The following DNAJC5B variants were observed in gnomAD, a reference collection of about 807,000 sequenced individuals.
DNAJC5B encodes the protein dnaJ homolog subfamily C member 5B.
A neutral mutation model predicts 24.7 loss-of-function variants in DNAJC5B; 23 were observed. The observed-to-expected ratio is 0.93, with a 90% CI of 0.67 to 1.32. The LOEUF (loss-of-function observed/expected upper bound fraction) is 1.32. Ranked by LOEUF, DNAJC5B falls within the 40% of genes most tolerant of loss-of-function variation. The probability of loss-of-function intolerance (pLI) is 0.00; values close to 1 mark genes in which losing one functional copy is unlikely to be tolerated. For synonymous variants in DNAJC5B, 101 were observed against 90.1 expected (o/e 1.12, Z -0.68); for missense variants, 238 against 240.8 (o/e 0.99, Z 0.08).
chr8:66,043,554 C>G lies in DNAJC5B; in HGVS notation c.-75C>G, dbSNP rs1207961574. 6.6e-6 allele frequency: 1 copy of G among 152,178 alleles called. No homozygotes were observed. Among genetic ancestry groups the G allele is most frequent in the Non-Finnish European group, 1.5e-5 (1 of 68,046 alleles). The allele number at this position is 152,178 out of a possible 1,614,324, so 9.4% of individuals were successfully genotyped here. ...ACCTGACTCTATTGACCTGCTTAAC[C>G]CTGCATGGGGGGGAAGGATGGAAAG... On this transcript the variant is annotated 5_prime_UTR_variant, in exon 2 of 6. Coordinates refer to ENST00000276570, the MANE Select transcript of DNAJC5B (RefSeq NM_033105.6).
intron 3 of DNAJC5B, among the ~76,000 whole-genome samples, chr8:66,062,241 C>T (rs72650560): frequency 6.6e-6 from 1 of 152,326 alleles, no homozygotes; most frequent in Non-Finnish European, 1.5e-5. Flanking sequence ...TCTTCAGGAC[C>T]ATTTCTCAAA....
At chr8:66,031,040 C>A (rs1477884589) in intron 1 of DNAJC5B, among the ~76,000 whole-genome samples, 1 of 152,222 alleles carries the variant, frequency 6.6e-6, no homozygotes, top group Non-Finnish European at 1.5e-5. Context: ...CTATAAGTTG[C>A]AGAAGCAATC....
intron 3 of DNAJC5B, among the ~76,000 whole-genome samples, chr8:66,066,024 G>C (rs903220381): frequency 6.6e-6 from 1 of 152,188 alleles, no homozygotes; most frequent in Admixed American, 6.5e-5. Context: ...CTGGCTCTAC[G>C]TGGCTGGAAA....
In DNAJC5B at chr8:66,076,858, G is replaced by A. The variant is rs1049025204; in HGVS notation, c.318G>A (p.Ser106=). 7.4e-6 allele frequency: 12 copies of A among 1,614,080 alleles called. No individual in the cohort carries two copies. Among genetic ancestry groups the A allele is most frequent in the Non-Finnish European group, 9.3e-6 (11 of 1,179,974 alleles). ...DENVNTYFML[S]SWWAKALFVI... ...ACGTTAACACCTACTTCATGCTGTC[G>A]AGCTGGTGGGCAAAGGTGAAACTGA... The change falls in exon 4 of 6, where the codon TCG becomes TCA. Residue 106 remains serine, a synonymous_variant. Coordinates refer to ENST00000276570, the MANE Select transcript of DNAJC5B (RefSeq NM_033105.6).
intron 3 of DNAJC5B, among the ~76,000 whole-genome samples, chr8:66,072,299 G>T (rs1323465096): frequency 6.6e-6 from 1 of 152,116 alleles, no homozygotes; most frequent in African/African-American, 2.4e-5. Flanking sequence ...AGAACTTTAA[G>T]GAGAAATCTG....
intron 5 of DNAJC5B, among the ~76,000 whole-genome samples, chr8:66,098,391 CAG>C (rs1157525386): frequency 2.0e-5 from 3 of 151,850 alleles, no homozygotes; most frequent in African/African-American, 7.3e-5. Context: ...TCAGTAGAGA[CAG>C]AGTTTCACCA....
intron 5 of DNAJC5B, among the ~76,000 whole-genome samples, chr8:66,094,715 C>A (rs1411851809): frequency 6.6e-6 from 1 of 152,002 alleles, no homozygotes; most frequent in Non-Finnish European, 1.5e-5. Context: ...AGAGAAGGTA[C>A]TTTCAGGGTT....
At position 66,037,555 on chromosome 8, in the gene DNAJC5B, A is replaced by G. The variant is rs534339434; in HGVS notation, c.-141-5933A>G. 1.3e-5 allele frequency among the ~76,000 whole-genome samples: 2 copies of G among 152,314 alleles called. 1 individual carries two copies. The highest frequency in any genetic ancestry group is 4.8e-5 in the African/African-American group (2 of 41,570). ...AGGGTGTGTGTATGCTTGTGGAAGA[A>G]TCTGTACCAGATGACACAACTCATT... On this transcript the variant is annotated intron_variant, in intron 1 of 5. Coordinates refer to ENST00000276570, the MANE Select transcript of DNAJC5B (RefSeq NM_033105.6).
At chr8:66,079,545 G>A (rs1169165970) in intron 4 of DNAJC5B, among the ~76,000 whole-genome samples, 1 of 152,170 alleles carries the variant, frequency 6.6e-6, no homozygotes, top group Non-Finnish European at 1.5e-5. Context: ...GGAGGTGGAC[G>A]TCCAGACAGA....
chr8:66,028,244 C>T (rs1183505084), intron 1 of DNAJC5B, among the ~76,000 whole-genome samples: 1 of 152,188 alleles, frequency 6.6e-6, no homozygotes, highest in Non-Finnish European at 1.5e-5. Flanking sequence ...CCCGGCACAA[C>T]CGCTCTTCTC....
At chr8:66,076,128 T>C (rs760665428) in intron 3 of DNAJC5B, among the ~76,000 whole-genome samples, 5 of 152,244 alleles carry the variant, frequency 3.3e-5, no homozygotes, top group Non-Finnish European at 7.3e-5. Flanking sequence ...GAAGTCACAG[T>C]ATTTGTTCAG....
At chr8:66,086,494 C>T (rs1033238460) in intron 5 of DNAJC5B, among the ~76,000 whole-genome samples, 1 of 152,060 alleles carries the variant, frequency 6.6e-6, no homozygotes, top group African/African-American at 2.4e-5. Context: ...AGAAATTTTT[C>T]TTTGAAGGAA....
At chr8:66,091,190 T>C (rs1306440433) in intron 5 of DNAJC5B, among the ~76,000 whole-genome samples, 1 of 152,146 alleles carries the variant, frequency 6.6e-6, no homozygotes, top group African/African-American at 2.4e-5. Context: ...TCCTGGTACT[T>C]TGGACCTTAC....
chr8:66,085,587 T>C (rs768278872), intron 5 of DNAJC5B, among the ~76,000 whole-genome samples: 4 of 152,000 alleles, frequency 2.6e-5, no homozygotes, highest in Non-Finnish European at 5.9e-5. Flanking sequence ...AATATATATA[T>C]ATATATCAAT....
chr8:66,092,538 T>G (rs1807868897), intron 5 of DNAJC5B, among the ~76,000 whole-genome samples: 1 of 152,100 alleles, frequency 6.6e-6, no homozygotes, highest in Non-Finnish European at 1.5e-5. Flanking sequence ...TCTCAAATAT[T>G]AAATGATACA....
At chr8:66,049,684 C>T (rs974980908) in intron 2 of DNAJC5B, among the ~76,000 whole-genome samples, 5 of 152,280 alleles carry the variant, frequency 3.3e-5, no homozygotes, top group Admixed American at 1.3e-4. Context: ...ACTGAATTGT[C>T]GGCTGTGGGT....
intron 3 of DNAJC5B, among the ~76,000 whole-genome samples, chr8:66,054,491 T>G (rs1806920906): frequency 6.6e-6 from 1 of 152,214 alleles, no homozygotes; most frequent in Non-Finnish European, 1.5e-5. Context: ...TTTTCCCAAA[T>G]CCTTAGCCCA....
At chr8:66,093,757 G>A (rs564254678) in intron 5 of DNAJC5B, among the ~76,000 whole-genome samples, 32 of 152,088 alleles carry the variant, frequency 2.1e-4, no homozygotes, top group African/African-American at 6.7e-4. Context: ...TTGCCTTTAC[G>A]TTTAGTGATT....
chr8:66,045,524 G>T (rs1199151893), intron 2 of DNAJC5B, among the ~76,000 whole-genome samples: 1 of 152,086 alleles, frequency 6.6e-6, no homozygotes, highest in African/African-American at 2.4e-5. Context: ...TGTCTTCCCG[G>T]GTGTGAGTTT....
Sources: gnomAD v4.1 joint callset for allele counts (sites outside exome capture counted in the v4.1 genomes callset) on GRCh38, gnomAD v4.1.1 for gene constraint, MANE v1.5 for transcripts, NCBI Gene and HGNC (gene_info 2026-07-23, HGNC 2026-07-21) for gene names.